MTMR14: variants seen among roughly 807,000 people sequenced by gnomAD.
MTMR14 encodes phosphatidylinositol-3,5-bisphosphate 3-phosphatase MTMR14.
Under a neutral mutation model 86.3 loss-of-function variants are expected in MTMR14, and 48 were observed. The observed-to-expected ratio is 0.56, with a 90% CI of 0.44 to 0.71. The LOEUF (loss-of-function observed/expected upper bound fraction) is 0.71. Ranked by LOEUF, MTMR14 falls within the 30% of genes least tolerant of loss-of-function variation. The pLI is 0.00. For synonymous variants in MTMR14, 366 were observed against 326.1 expected (o/e 1.12, Z -1.32); for missense variants, 780 against 834.6 (o/e 0.93, Z 0.81).
chr3:9,667,154 C>T (rs1158067754), intron 3 of MTMR14, among the ~76,000 whole-genome samples: 2 of 152,192 alleles, frequency 1.3e-5, no homozygotes, highest in Admixed American at 6.5e-5. Context: ...AAAGATTTAA[C>T]AGAAATAATG....
rs867249228 is a variant in MTMR14, at chr3:9,690,603, T to G, written c.1613+460T>G. On this transcript the variant is annotated intron_variant, in intron 17 of 18. Coordinates refer to ENST00000296003, the MANE Select transcript of MTMR14 (RefSeq NM_001077525.3). ...GGACAAACGATGGTGACTGCACACC[T>G]GGAAAGGGAGCAGCTCAGCCAGGAT... is the stretch of plus-strand genomic sequence containing the variant. Among the ~76,000 whole-genome samples, 7 of 152,252 alleles carry G rather than the reference T, an allele frequency of 4.6e-5. 1 individual carries two copies. In the Middle Eastern group the frequency reaches 0.01, roughly 222 times the overall value.
chr3:9,673,002 C>T (rs1215325854), intron 7 of MTMR14, among the ~76,000 whole-genome samples: 1 of 152,204 alleles, frequency 6.6e-6, no homozygotes, highest in Non-Finnish European at 1.5e-5. Context: ...TAGCCACAGC[C>T]TTGAGTGAAG....
intron 18 of MTMR14, among the ~76,000 whole-genome samples, chr3:9,698,706 G>T (rs1433145025): frequency 6.6e-6 from 1 of 152,226 alleles, no homozygotes; most frequent in Non-Finnish European, 1.5e-5. Context: ...TCCTAGCTGA[G>T]GGCAGTCAGG....
rs1315601045 is a variant in MTMR14 at position 9,650,547 on chromosome 3, A to G, written c.159+805A>G. The G allele has an allele frequency of 1.4e-5, 5 of 348,980 alleles. No individual in the cohort carries two copies. The East Asian group carries it at 3.0e-4, about 21-fold the overall frequency. 21.6% of individuals were successfully genotyped at this position (348,980 alleles called of 1,614,324 possible). A position where few individuals can be genotyped will look rare whatever the true frequency, so the allele number is the denominator to read the frequency against. On this transcript the variant is annotated intron_variant, in intron 1 of 18. Coordinates refer to ENST00000296003, the MANE Select transcript of MTMR14 (RefSeq NM_001077525.3). ...AGATTACCGTGAGTTGCTATTCTGT[A>G]GTTGGCATCTTGTAGTCTCTGAAGT...
At chr3:9,655,368 A>G (rs1294498248) in intron 2 of MTMR14, among the ~76,000 whole-genome samples, 2 of 151,568 alleles carry the variant, frequency 1.3e-5, no homozygotes, top group East Asian at 2.0e-4. Context: ...GCAAGACTCT[A>G]TCTCAAAAAA....
At chr3:9,680,583 T>C (rs186410318) in intron 9 of MTMR14, among the ~76,000 whole-genome samples, 462 of 152,332 alleles carry the variant, frequency 3.0e-3, no homozygotes, top group East Asian at 6.0e-3. Context: ...CGGTGGCTCA[T>C]GCCTGTAATC....
chr3:9,683,849 C>T (rs186115463), intron 10 of MTMR14: 98 of 156,830 alleles, frequency 6.2e-4, no homozygotes, highest in Non-Finnish European at 9.6e-4. Flanking sequence ...TTTCTCAAAA[C>T]CACTGTCTTG....
chr3:9,693,476 C>A (rs771182497), intron 17 of MTMR14, among the ~76,000 whole-genome samples: 2 of 152,158 alleles, frequency 1.3e-5, no homozygotes, highest in Admixed American at 1.3e-4. Context: ...AGAAGCCTTA[C>A]CAATAACATA....
chr3:9,677,420 A>T lies in MTMR14; in HGVS notation c.822+33A>T. 1 of 1,593,470 alleles carries T rather than the reference A, an allele frequency of 6.3e-7. No homozygotes were observed. Among genetic ancestry groups the T allele is most frequent in the Non-Finnish European group, 8.6e-7 (1 of 1,161,294 alleles). On this transcript the variant is annotated intron_variant, in intron 8 of 18. Transcript: ENST00000296003. The surrounding 1 kb of genome is among the most constrained non-coding windows in gnomAD (Gnocchi z 4.2). ...CAATAACATACATCAAATTGGATCTATGTCTCTTTGTAAAGGGAGGCCAAG... is the reference window on the plus strand; with the variant it reads ...CAATAACATACATCAAATTGGATCTTTGTCTCTTTGTAAAGGGAGGCCAAG...
rs764731775 is a variant in MTMR14 at position 9,677,273 on chromosome 3, T to TG, written c.752-41dup. On this transcript the variant is annotated intron_variant, in intron 7 of 18. Coordinates refer to ENST00000296003, the MANE Select transcript of MTMR14 (RefSeq NM_001077525.3). The surrounding 1 kb of genome is among the most constrained non-coding windows in gnomAD (Gnocchi z 4.2). ...TGGCCAGGGCTGTCTCAGAAGACTT[T>TG]GGGCTGGGAAGGGAGATGTCATAAC... 6.3e-7 allele frequency: 1 copy of TG among 1,589,376 alleles called. No individual in the cohort carries two copies. The highest frequency in any genetic ancestry group is 8.6e-7 in the Non-Finnish European group (1 of 1,157,898).
intron 17 of MTMR14, among the ~76,000 whole-genome samples, chr3:9,693,308 C>T (rs904820120): frequency 5.3e-5 from 8 of 151,930 alleles, no homozygotes; most frequent in South Asian, 2.1e-4. Context: ...ATCAGATAAT[C>T]GAGATGATTT....
chr3:9,672,657 T>C, intron 6 of MTMR14, 28 bp from the exon 7 acceptor site: 3 of 1,587,906 alleles, frequency 1.9e-6, no homozygotes, highest in Non-Finnish European at 2.6e-6. Flanking sequence ...GTTGCGACAC[T>C]GTAACACATT....
At chr3:9,661,234 G>A (rs1041132846) in intron 2 of MTMR14, among the ~76,000 whole-genome samples, 11 of 152,170 alleles carry the variant, frequency 7.2e-5, no homozygotes, top group African/African-American at 2.2e-4. Flanking sequence ...AACCTTTTTG[G>A]CACCAGGGAC....
chr3:9,666,007 G>A (rs1323510327), intron 3 of MTMR14, among the ~76,000 whole-genome samples: 2 of 151,798 alleles, frequency 1.3e-5, no homozygotes, highest in African/African-American at 2.4e-5. Context: ...TATTACAGGC[G>A]TGACCCACCG....
chr3:9,674,398 T>C (rs963095132), intron 7 of MTMR14, among the ~76,000 whole-genome samples: 3 of 152,204 alleles, frequency 2.0e-5, no homozygotes, highest in African/African-American at 7.2e-5. Context: ...TGATGTCTAT[T>C]TGTAATAGCA....
chr3:9,669,173 C>T (rs570608575), intron 4 of MTMR14, among the ~76,000 whole-genome samples: 2 of 151,638 alleles, frequency 1.3e-5, no homozygotes, highest in East Asian at 3.9e-4. Context: ...CACCCATGAC[C>T]ACAATAGTAT....
At chr3:9,680,143 G>A (rs1032925448) in intron 9 of MTMR14, among the ~76,000 whole-genome samples, 1 of 152,180 alleles carries the variant, frequency 6.6e-6, no homozygotes. Flanking sequence ...GACTCAAGCT[G>A]TCCAGAGTAG....
rs76678265 is a variant in MTMR14, at chr3:9,660,654, A to G, written c.309-1613A>G. Among the ~76,000 whole-genome samples the G allele has an allele frequency of 3.4e-3, 524 of 152,256 alleles. 8 individuals carry two copies. Among genetic ancestry groups the G allele is most frequent in the African/African-American group, 0.012 (501 of 41,544 alleles). The stretch of plus-strand genomic sequence containing the variant: ...CCAGATACATTTAAAGAGGTACCAC[A>G]AGTATGTGGGAGTCACTGATTTCTT... On this transcript the variant is annotated intron_variant, in intron 2 of 18. Transcript: ENST00000296003.
At chr3:9,658,800 C>T (rs1559561082) in intron 2 of MTMR14, among the ~76,000 whole-genome samples, 1 of 152,166 alleles carries the variant, frequency 6.6e-6, no homozygotes, top group Admixed American at 6.5e-5. Flanking sequence ...TTGTGGGGTA[C>T]ATTATAGGAA....
Sources: allele counts gnomAD v4.1 joint callset (sites outside exome capture counted in the v4.1 genomes callset), GRCh38; gene constraint gnomAD v4.1.1; non-coding constraint Gnocchi (gnomAD v3.1); transcripts MANE v1.5; gene names NCBI Gene and HGNC (gene_info 2026-07-23, HGNC 2026-07-21).